Variants in GLIS3 observed in about 807,000 individuals in gnomAD.
GLIS3 encodes zinc finger protein GLIS3.
A neutral mutation model predicts 78.6 loss-of-function variants in GLIS3; 53 were observed. The ratio of observed to expected loss-of-function variants is 0.67; its 90% CI spans 0.54 to 0.85. The LOEUF (loss-of-function observed/expected upper bound fraction) is 0.85. GLIS3 is among the 40% of genes least tolerant of loss of function. GLIS3 has a pLI of 0.00. For synonymous variants in GLIS3, 684 were observed against 509.9 expected (o/e 1.34, Z -4.60); for missense variants, 1,703 against 1,231.1 (o/e 1.38, Z -5.74).
At chr9:3,957,348 T>G (rs543029975) in intron 4 of GLIS3, among the ~76,000 whole-genome samples, 10 of 152,370 alleles carry the variant, frequency 6.6e-5, no homozygotes, top group Admixed American at 3.9e-4. Flanking sequence ...CTTTCACCTT[T>G]ATAATTGGCA....
chr9:3,903,492 G>T (rs1823459266), intron 6 of GLIS3, among the ~76,000 whole-genome samples: 3 of 152,204 alleles, frequency 2.0e-5, no homozygotes, highest in South Asian at 4.1e-4. Flanking sequence ...TAATCTATGT[G>T]AACGGCGTTC....
At chr9:4,466,894 G>A in the GLIS3 span, among the ~76,000 whole-genome samples, 3 of 152,338 alleles carry the variant, frequency 2.0e-5, no homozygotes, top group South Asian at 2.1e-4. Context: ...AAGGGAAGCC[G>A]TGACAGATGG....
intron 4 of GLIS3, among the ~76,000 whole-genome samples, chr9:4,038,842 T>C (rs896345516): frequency 6.6e-6 from 1 of 152,196 alleles, no homozygotes; most frequent in African/African-American, 2.4e-5. Flanking sequence ...CAAGTATCCC[T>C]GTCTGTAGAA....
chr9:4,012,765 C>CA (rs1822124815), intron 4 of GLIS3, among the ~76,000 whole-genome samples: 2 of 66,476 alleles, frequency 3.0e-5, no homozygotes, highest in Non-Finnish European at 5.6e-5. Context: ...TTTTCTTTTT[C>CA]TTTTTTTTTT....
chr9:4,179,552 T>A (rs1817109495), intron 2 of GLIS3, among the ~76,000 whole-genome samples: 1 of 152,196 alleles, frequency 6.6e-6, no homozygotes. Flanking sequence ...TCTCTAGTTT[T>A]TAACCCAGGA....
chr9:4,077,813 A>C (rs541511675), intron 4 of GLIS3, among the ~76,000 whole-genome samples: 45 of 152,230 alleles, frequency 3.0e-4, no homozygotes, highest in Admixed American at 1.4e-3. Context: ...CATTTTGCCA[A>C]CACTCCCAGA....
intron 2 of GLIS3, among the ~76,000 whole-genome samples, chr9:4,244,914 G>A (rs1823658770): frequency 6.6e-6 from 1 of 152,212 alleles, no homozygotes; most frequent in South Asian, 2.1e-4. Context: ...CTACACTCAA[G>A]AGTGGTTTAC....
intron 2 of GLIS3, among the ~76,000 whole-genome samples, chr9:4,284,481 A>G (rs1827812871): frequency 6.6e-6 from 1 of 152,146 alleles, no homozygotes; most frequent in South Asian, 2.1e-4. Flanking sequence ...GGACATAGCA[A>G]CCTGACAATG....
chr9:4,010,653 T>G (rs1463954775), intron 4 of GLIS3, among the ~76,000 whole-genome samples: 2 of 152,232 alleles, frequency 1.3e-5, no homozygotes, highest in African/African-American at 4.8e-5. Flanking sequence ...CATAAGTGGC[T>G]GAGATCATCT....
chr9:4,084,280 C>CACAT (rs1828819899), intron 4 of GLIS3, among the ~76,000 whole-genome samples: 2 of 138,230 alleles, frequency 1.4e-5, no homozygotes, highest in South Asian at 4.8e-4. Flanking sequence ...CACACACACA[C>CACAT]ACACACACAC....
Position 3,872,321 on chromosome 9 carries a change from T to G in GLIS3, c.2297+7106A>C, listed in dbSNP as rs113110797. 5.9e-3 allele frequency among the ~76,000 whole-genome samples: 899 copies of G among 152,362 alleles called. 13 individuals are homozygous for G. Among genetic ancestry groups the G allele is most frequent in the African/African-American group, 0.021 (856 of 41,588 alleles). On this transcript the variant is annotated intron_variant, in intron 8 of 10. Transcript: ENST00000381971. ...CCCTGTCTGTTACCCAGTCCCAAAG[T>G]TGCTTCCACATTTTCAGGTATCTAC...
chr9:4,331,058 A>C (rs902229890), intron 2 of GLIS3, among the ~76,000 whole-genome samples: 1 of 152,220 alleles, frequency 6.6e-6, no homozygotes, highest in African/African-American at 2.4e-5. Flanking sequence ...TTGTTTCCTA[A>C]GGCTGCATAA....
intron 4 of GLIS3, among the ~76,000 whole-genome samples, chr9:3,969,326 A>C (rs921618869): frequency 6.6e-6 from 1 of 152,198 alleles, no homozygotes; most frequent in Non-Finnish European, 1.5e-5. Context: ...TTAGAAATGC[A>C]GAAGTTCAAA....
chr9:4,286,197 T>A lies in GLIS3; in HGVS notation c.229A>T (p.Ser77Cys), dbSNP rs775442287. The A allele has an allele frequency of 6.2e-7, 1 of 1,614,226 alleles. No homozygotes were observed. The highest frequency in any genetic ancestry group is 8.5e-7 in the Non-Finnish European group (1 of 1,180,048). Residue 77 changes from serine to cysteine, a missense_variant, in exon 2 of 11, where the codon AGC (serine) becomes TGC (cysteine). Transcript: ENST00000381971. ...CTTAAGGCAGGCAGATGGATGCGGC[T>A]CTCAGCCACGTTGTTCTGAGGAGCC... ...GMAPQNNVAE[S>C]RIHLPALSPR...
At chr9:4,234,930 C>T (rs530740693) in intron 2 of GLIS3, among the ~76,000 whole-genome samples, 2 of 152,148 alleles carry the variant, frequency 1.3e-5, no homozygotes, top group African/African-American at 4.8e-5. Flanking sequence ...AAAAAGGCAT[C>T]GCCACATACA....
the GLIS3 span, among the ~76,000 whole-genome samples, chr9:4,475,125 C>G: frequency 1.3e-5 from 2 of 151,410 alleles, no homozygotes; most frequent in African/African-American, 4.9e-5. Context: ...TCCTGAGTAG[C>G]TGGGATTACA....
chr9:3,836,541 T>A (rs1466567348), intron 9 of GLIS3, among the ~76,000 whole-genome samples: 1 of 152,216 alleles, frequency 6.6e-6, no homozygotes, highest in African/African-American at 2.4e-5. Context: ...TTTCCAGCAC[T>A]CTATGGCTCT....
intron 2 of GLIS3, among the ~76,000 whole-genome samples, chr9:4,235,578 G>C (rs1587083943): frequency 1.3e-5 from 2 of 152,248 alleles, no homozygotes; most frequent in East Asian, 1.9e-4. Context: ...ACCGGCTCTA[G>C]ACTAGCACCC....
chr9:3,869,708 T>C (rs1463489817), intron 8 of GLIS3, among the ~76,000 whole-genome samples: 6 of 152,218 alleles, frequency 3.9e-5, no homozygotes, highest in African/African-American at 1.4e-4. Flanking sequence ...ATTGGTCTTT[T>C]ACCTTTCTCA....
Sources: gnomAD v4.1 joint callset for allele counts (sites outside exome capture counted in the v4.1 genomes callset) on GRCh38, gnomAD v4.1.1 for gene constraint, MANE v1.5 for transcripts, NCBI Gene and HGNC (gene_info 2026-07-23, HGNC 2026-07-21) for gene names.